NLGN1: variants seen among roughly 807,000 people sequenced by gnomAD.
The protein encoded by NLGN1 is neuroligin-1.
NLGN1 carries 12 observed loss-of-function variants against 65.5 expected under a neutral mutation model. The observed-to-expected ratio is 0.18, with a 90% CI of 0.12 to 0.30. The LOEUF is 0.30. Ranked by LOEUF, NLGN1 falls within the 10% of genes least tolerant of loss-of-function variation. The pLI is 1.00. For synonymous variants in NLGN1, 350 were observed against 359.5 expected, an observed-to-expected ratio of 0.97 and a Z score of 0.30; for missense variants, 750 against 1,007.1, an observed-to-expected ratio of 0.74 and a Z score of 3.46.
rs34399860 is a variant in NLGN1 at position 174,036,584 on chromosome 3, GTT to G, written c.646+228766_646+228767del. ...TATTTATGGAAATAGGTTTTTTGTT[GTT>G]TTTTTTTTTTTTTCAAATTTAACAT... On this transcript the variant is annotated intron_variant, in intron 4 of 6. Transcript: ENST00000457714. 2.1e-3 allele frequency among the ~76,000 whole-genome samples: 295 copies of G among 141,678 alleles called. 1 individual carries two copies. The highest frequency in any genetic ancestry group is 5.7e-3 in the African/African-American group (218 of 38,502). 92.9% of individuals were successfully genotyped at this position (141,678 alleles called of 152,430 possible).
chr3:173,701,667 A>G (rs951661308), intron 3 of NLGN1, among the ~76,000 whole-genome samples: 6 of 152,246 alleles, frequency 3.9e-5, no homozygotes, highest in African/African-American at 1.4e-4. Flanking sequence ...TTTTAAATAC[A>G]AAACTCTGAG....
chr3:173,940,755 T>G (rs1745942791), intron 4 of NLGN1, among the ~76,000 whole-genome samples: 2 of 152,206 alleles, frequency 1.3e-5, no homozygotes, highest in Non-Finnish European at 2.9e-5. Context: ...CCCCCAGTGA[T>G]ATTTGATAGT....
intron 3 of NLGN1, among the ~76,000 whole-genome samples, chr3:173,675,184 T>G (rs578027480): frequency 6.6e-6 from 1 of 152,300 alleles, no homozygotes; most frequent in Non-Finnish European, 1.5e-5. Flanking sequence ...TCTTTGTTGA[T>G]TGAATATTTG....
chr3:174,280,979 C>T lies in NLGN1; in HGVS notation c.2148C>T (p.Arg716=), dbSNP rs1374526160. 1 of 1,613,190 alleles carries T rather than the reference C, an allele frequency of 6.2e-7. No individual in the cohort carries two copies. Among genetic ancestry groups the T allele is most frequent in the Non-Finnish European group, 8.5e-7 (1 of 1,179,582 alleles). ...TTCACAGGAGATGCAGCCCTCAGCGCACTACTACCAATGATCTAACCCATG... is the reference window on the plus strand; with the variant it reads ...TTCACAGGAGATGCAGCCCTCAGCGTACTACTACCAATGATCTAACCCATG... Residue 716 remains arginine (R), a synonymous_variant, in exon 7 of 7, where the codon CGC becomes CGT. Transcript: ENST00000457714. The surrounding 1 kb of genome is among the most constrained non-coding windows in gnomAD (Gnocchi z 4.9).
At chr3:173,430,635 A>G (rs1428085430) in intron 1 of NLGN1, among the ~76,000 whole-genome samples, 2 of 152,156 alleles carry the variant, frequency 1.3e-5, no homozygotes, top group Non-Finnish European at 2.9e-5. Flanking sequence ...TTTATCCCCA[A>G]TATAGGAGGT....
At chr3:173,648,384 G>A (rs1758612545) in intron 3 of NLGN1, among the ~76,000 whole-genome samples, 1 of 152,124 alleles carries the variant, frequency 6.6e-6, no homozygotes, top group Admixed American at 6.5e-5. Flanking sequence ...TAAGAAATAA[G>A]CACATGCTGT....
chr3:173,805,228 A>G (rs1560407709), intron 3 of NLGN1, among the ~76,000 whole-genome samples: 1 of 152,162 alleles, frequency 6.6e-6, no homozygotes, highest in Non-Finnish European at 1.5e-5. Flanking sequence ...CACCAGCCTA[A>G]TAATACTTTT....
chr3:173,683,597 A>T (rs1764273625), intron 3 of NLGN1, among the ~76,000 whole-genome samples: 1 of 152,158 alleles, frequency 6.6e-6, no homozygotes, highest in African/African-American at 2.4e-5. Flanking sequence ...GGTAATCAAA[A>T]ACATCTAATT....
At chr3:173,984,690 G>A (rs930955088) in intron 4 of NLGN1, among the ~76,000 whole-genome samples, 1 of 152,120 alleles carries the variant, frequency 6.6e-6, no homozygotes, top group South Asian at 2.1e-4. Flanking sequence ...ACAAAATTCA[G>A]CATGAGAAGT....
chr3:173,999,324 A>G (rs1722850596), intron 4 of NLGN1, among the ~76,000 whole-genome samples: 1 of 152,144 alleles, frequency 6.6e-6, no homozygotes, highest in South Asian at 2.1e-4. Context: ...GAAAGCTTTG[A>G]GATGATATTT....
At chr3:173,581,098 G>A (rs1323551321) in intron 2 of NLGN1, among the ~76,000 whole-genome samples, 1 of 151,926 alleles carries the variant, frequency 6.6e-6, no homozygotes, top group Non-Finnish European at 1.5e-5. Context: ...TCACAAATCT[G>A]TTTTGGTTAT....
chr3:173,995,386 T>C (rs532134323), intron 4 of NLGN1, among the ~76,000 whole-genome samples: 4 of 152,286 alleles, frequency 2.6e-5, no homozygotes, highest in Admixed American at 6.5e-5. Flanking sequence ...TCTTGAGTTA[T>C]ATGTTACAAA....
At chr3:174,292,430 A>C in the NLGN1 span, among the ~76,000 whole-genome samples, 12 of 151,516 alleles carry the variant, frequency 7.9e-5, no homozygotes, top group African/African-American at 2.7e-4. Context: ...CTCACTATCT[A>C]AAGATACGAC....
intron 4 of NLGN1, among the ~76,000 whole-genome samples, chr3:173,928,666 T>C (rs1233329970): frequency 1.4e-5 from 2 of 147,480 alleles, no homozygotes; most frequent in Non-Finnish European, 3.0e-5. Flanking sequence ...AGATTAGACA[T>C]AGTTAATTTT....
intron 2 of NLGN1, among the ~76,000 whole-genome samples, chr3:173,477,146 A>G (rs959494667): frequency 6.6e-6 from 1 of 152,204 alleles, no homozygotes; most frequent in African/African-American, 2.4e-5. Flanking sequence ...TGTCATTTCT[A>G]GTAACAATGT....
intron 3 of NLGN1, among the ~76,000 whole-genome samples, chr3:173,804,136 A>T (rs2150425734): frequency 1.3e-5 from 2 of 152,172 alleles, no homozygotes; most frequent in Middle Eastern, 3.4e-3. Context: ...TAAAATTTTA[A>T]ATCAAGGTGT....
intron 4 of NLGN1, among the ~76,000 whole-genome samples, chr3:173,967,354 C>A (rs889383818): frequency 1.3e-5 from 2 of 152,122 alleles, no homozygotes; most frequent in African/African-American, 4.8e-5. Flanking sequence ...AGGACTCTTG[C>A]TTGAACTGTA....
At chr3:173,722,346 C>T (rs750569756) in intron 3 of NLGN1, among the ~76,000 whole-genome samples, 3 of 148,806 alleles carry the variant, frequency 2.0e-5, no homozygotes, top group Admixed American at 1.4e-4. Context: ...CAGGCTCAAG[C>T]GATTCTCCTT....
At chr3:173,930,832 T>C (rs911814223) in intron 4 of NLGN1, among the ~76,000 whole-genome samples, 7 of 152,104 alleles carry the variant, frequency 4.6e-5, no homozygotes, top group African/African-American at 1.7e-4. Context: ...CTCCAGGAGA[T>C]AGAATTGTTC....
Sources: gnomAD v4.1 joint callset for allele counts (sites outside exome capture counted in the v4.1 genomes callset) on GRCh38, gnomAD v4.1.1 for gene constraint, Gnocchi (gnomAD v3.1) non-coding constraint, MANE v1.5 for transcripts, NCBI Gene and HGNC (gene_info 2026-07-23, HGNC 2026-07-21) for gene names.